Variants in CCDC93 observed in about 807,000 individuals in gnomAD.
CCDC93 encodes CCC complex scaffolding subunit CCDC93.
Under a neutral mutation model 108.2 loss-of-function variants are expected in CCDC93, and 61 were observed. That is an observed-to-expected ratio of 0.56 (90% CI 0.46 to 0.70). The LOEUF is 0.70. Among genes scored for constraint, CCDC93 ranks in the 30% least tolerant of loss-of-function variants. The pLI is 0.00. For synonymous variants in CCDC93, 276 were observed against 260.4 expected (o/e 1.06, Z -0.58); for missense variants, 685 against 764.2 (o/e 0.90, Z 1.22).
chr2:117,953,533 T>C (rs769207761), intron 12 of CCDC93, among the ~76,000 whole-genome samples: 50 of 152,134 alleles, frequency 3.3e-4, no homozygotes, highest in Admixed American at 2.1e-3. Context: ...GTTTTAACTG[T>C]TGATGTTTGC....
intron 23 of CCDC93, among the ~76,000 whole-genome samples, chr2:117,924,157 G>T (rs1428089201): frequency 1.3e-5 from 2 of 152,182 alleles, no homozygotes; most frequent in East Asian, 3.8e-4. Context: ...ACCAAAGGTA[G>T]ATAAAACCAC....
intron 23 of CCDC93, among the ~76,000 whole-genome samples, chr2:117,926,280 G>T (rs1573458844): frequency 6.6e-6 from 1 of 152,252 alleles, no homozygotes; most frequent in East Asian, 1.9e-4. Flanking sequence ...GAGCAGAACT[G>T]AAGGAAATAG....
rs183876772 is a variant in CCDC93 at position 117,964,849 on chromosome 2, C to T, written c.889-6368G>A. 2.1e-4 allele frequency among the ~76,000 whole-genome samples: 32 copies of T among 152,294 alleles called. 1 individual carries two copies. The East Asian group carries it at 6.2e-3, about 29-fold the overall frequency. On this transcript the variant is annotated intron_variant, in intron 11 of 23. Transcript: ENST00000376300. ...AACTCCTGGCCTCAAGCGATCCTCTCGCCTCAGGCTCCCAAAATGCTTGGA... is the reference window on the plus strand; with the variant it reads ...AACTCCTGGCCTCAAGCGATCCTCTTGCCTCAGGCTCCCAAAATGCTTGGA...
intron 7 of CCDC93, among the ~76,000 whole-genome samples, chr2:117,979,832 A>G (rs1389242412): frequency 2.0e-5 from 3 of 152,212 alleles, no homozygotes; most frequent in Admixed American, 6.5e-5. Context: ...CTGAGGCTGG[A>G]AAAGAGACTA....
chr2:117,987,822 G>A (rs931017556), intron 6 of CCDC93, among the ~76,000 whole-genome samples: 1 of 152,170 alleles, frequency 6.6e-6, no homozygotes, highest in Non-Finnish European at 1.5e-5. Context: ...GTCATTAATA[G>A]TGGTAGCAAT....
chr2:117,942,737 G>A (rs1452103980), intron 18 of CCDC93, among the ~76,000 whole-genome samples: 1 of 152,114 alleles, frequency 6.6e-6, no homozygotes, highest in African/African-American at 2.4e-5. Flanking sequence ...CACAGCCCCA[G>A]TCCTCATCAA....
intron 18 of CCDC93, among the ~76,000 whole-genome samples, chr2:117,941,875 G>C (rs1219787671): frequency 1.3e-5 from 2 of 152,260 alleles, no homozygotes; most frequent in Non-Finnish European, 2.9e-5. Flanking sequence ...GCTGCAGGGA[G>C]AGCAAGCCGC....
In CCDC93 at chr2:117,941,290, C is replaced by A. The variant is rs775660660; in HGVS notation, c.1421G>T (p.Arg474Ile). 1.2e-6 allele frequency: 2 copies of A among 1,613,246 alleles called. No individual in the cohort carries two copies. The highest frequency in any genetic ancestry group is 1.7e-6 in the Non-Finnish European group (2 of 1,179,212). The change falls in exon 19 of 24, where the codon AGA (arginine) becomes ATA (isoleucine). Residue 474 changes from arginine to isoleucine, a missense_variant. Transcript: ENST00000376300. The stretch of plus-strand genomic sequence containing the variant: ...GTGCAAAATTGCTATTTCTCGATTT[C>A]TTCGAGCCTAAATGCAAAAGGGAGA... ...LYKIRLLQAR[R>I]NREIAILHRK...
intron 8 of CCDC93, among the ~76,000 whole-genome samples, chr2:117,977,704 T>C (rs1161476277): frequency 1.3e-5 from 2 of 152,196 alleles, no homozygotes; most frequent in African/African-American, 4.8e-5. Context: ...GCCCTGGCAG[T>C]GGACTTCACC....
Position 117,986,066 on chromosome 2 carries a change from C to T in CCDC93, c.523G>A (p.Val175Met), listed in dbSNP as rs1164589529. The change falls in exon 7 of 24, where the codon GTG (valine) becomes ATG (methionine). Residue 175 changes from valine to methionine, a missense_variant. Val to Met is a conservative substitution (Grantham distance 21). Coordinates refer to ENST00000376300, the MANE Select transcript of CCDC93 (RefSeq NM_019044.5). ...AIKTVVDLSE[V>M]YKPRRKYKRH... ...TTGTATTTCCGACGGGGCTTGTACA[C>T]TTCCTAAGTGGATGAGACAGCCAAG... is the stretch of plus-strand genomic sequence containing the variant. The T allele has an allele frequency of 6.2e-7, 1 of 1,604,092 alleles. No homozygotes were observed. Among genetic ancestry groups the T allele is most frequent in the Non-Finnish European group, 8.5e-7 (1 of 1,172,012 alleles).
intron 11 of CCDC93, among the ~76,000 whole-genome samples, chr2:117,959,220 G>C (rs1182172021): frequency 1.3e-5 from 2 of 152,312 alleles, no homozygotes; most frequent in East Asian, 3.9e-4. Flanking sequence ...GCTTAGTGTA[G>C]ATACTGAATA....
chr2:117,967,496 A>C (rs1353978231), intron 11 of CCDC93, among the ~76,000 whole-genome samples: 1 of 152,226 alleles, frequency 6.6e-6, no homozygotes, highest in Non-Finnish European at 1.5e-5. Flanking sequence ...CTAGCTACCA[A>C]TAGCCCAAGG....
rs964964916 is a variant in CCDC93, at chr2:117,918,678, G to C, written c.*1665C>G. On this transcript the variant is annotated 3_prime_UTR_variant, in exon 24 of 24. Transcript: ENST00000376300. ...TCTGTCTCCTTCCCCTGCCCTCAGA[G>C]TGCCACCTGTTCTTTTGCAATTACT... 3.3e-5 allele frequency: 5 copies of C among 152,238 alleles called. No homozygotes were observed. Among genetic ancestry groups the C allele is most frequent in the Non-Finnish European group, 7.3e-5 (5 of 68,056 alleles). 9.4% of individuals were successfully genotyped at this position (152,238 alleles called of 1,614,324 possible). A position where few individuals can be genotyped will look rare whatever the true frequency, so the allele number is the denominator to read the frequency against.
intron 11 of CCDC93, among the ~76,000 whole-genome samples, chr2:117,968,425 A>G (rs191922362): frequency 5.8e-4 from 89 of 152,334 alleles, no homozygotes; most frequent in Non-Finnish European, 1.2e-3. Context: ...CTTGTAGCAC[A>G]TTCAGGGAAG....
Position 117,958,486 on chromosome 2 carries a change from G to A in CCDC93, c.889-5C>T. ...TTCAGCTGATAGCTCAGACTGCTGT[G>A]GAAAAAAGGGATGGCAAATCCAAAG... On this transcript the variant is annotated splice_polypyrimidine_tract_variant and splice_region_variant and intron_variant, in intron 11 of 23. Coordinates refer to ENST00000376300, the MANE Select transcript of CCDC93 (RefSeq NM_019044.5). 1 of 1,503,436 alleles carries A rather than the reference G, an allele frequency of 6.7e-7. No individual in the cohort carries two copies. Among genetic ancestry groups the A allele is most frequent in the Non-Finnish European group, 9.3e-7 (1 of 1,079,890 alleles). The allele number at this position is 1,503,436 out of a possible 1,614,324, so 93.1% of individuals were successfully genotyped here.
chr2:117,949,510 G>C (rs1169119478), intron 13 of CCDC93, 115 bp from the exon 14 acceptor site: 2 of 777,808 alleles, frequency 2.6e-6, no homozygotes, highest in African/African-American at 3.5e-5. Context: ...CTTAAACTTG[G>C]ATTTTAATGT....
chr2:117,935,417 A>G, intron 22 of CCDC93, 78 bp downstream of exon 22: 1 of 1,024,158 alleles, frequency 9.8e-7, no homozygotes, highest in Non-Finnish European at 1.5e-6. Context: ...AACTACCAGA[A>G]GAGGCCTTTT....
At chr2:117,996,534 C>T (rs1558801748) in intron 4 of CCDC93, 172 bp from the exon 5 acceptor site, 1 of 542,856 alleles carries the variant, frequency 1.8e-6, no homozygotes, top group East Asian at 3.1e-5. Context: ...AGCTGGGTAT[C>T]CAAGATGTTA....
chr2:117,990,679 A>C (rs570524062), intron 6 of CCDC93, among the ~76,000 whole-genome samples: 19 of 152,270 alleles, frequency 1.2e-4, no homozygotes, highest in African/African-American at 4.6e-4. Context: ...AACTAGTTCC[A>C]CACAATTAAT....
Sources: allele counts gnomAD v4.1 joint callset (sites outside exome capture counted in the v4.1 genomes callset), GRCh38; gene constraint gnomAD v4.1.1; transcripts MANE v1.5; gene names NCBI Gene and HGNC (gene_info 2026-07-23, HGNC 2026-07-21).